CXCR5: variants seen among roughly 807,000 people sequenced by gnomAD.
The protein encoded by CXCR5 is C-X-C motif chemokine receptor 5, also known as C-X-C chemokine receptor type 5.
CXCR5 carries 3 observed loss-of-function variants against 5.6 expected under a neutral mutation model. That is an observed-to-expected ratio of 0.54 (90% CI 0.24 to 1.39). The LOEUF (loss-of-function observed/expected upper bound fraction) is 1.39, where lower values mean the gene tolerates loss of function less well. Ranked by LOEUF, CXCR5 falls within the 40% of genes most tolerant of loss-of-function variation. CXCR5 has a pLI of 0.16. For missense variants in CXCR5, 333 were observed against 494.6 expected (o/e 0.67, Z 3.10); for synonymous variants, 218 against 219.9 (o/e 0.99, Z 0.08).
intron 1 of CXCR5, among the ~76,000 whole-genome samples, chr11:118,892,640 G>A (rs1401689741): frequency 6.6e-6 from 1 of 151,328 alleles, no homozygotes; most frequent in African/African-American, 2.4e-5. Context: ...GTGGTTAGCT[G>A]GGTAAACAAC....
Position 118,894,411 on chromosome 11 carries a change from C to G in CXCR5, c.867C>G (p.Ala289=). 1 of 1,614,220 alleles carries G rather than the reference C, an allele frequency of 6.2e-7. No individual in the cohort carries two copies. Among genetic ancestry groups the G allele is most frequent in the Non-Finnish European group, 8.5e-7 (1 of 1,180,046 alleles). ...TGGACACCCTGGCGAGGCTGAAGGC[C>G]GTGGACAATACCTGCAAGCTGAATG... ...IFLDTLARLK[A]VDNTCKLNGS... The change falls in exon 2 of 2, where the codon GCC becomes GCG. Residue 289 remains alanine, a synonymous_variant. Coordinates refer to ENST00000292174, the MANE Select transcript of CXCR5 (RefSeq NM_001716.5). The surrounding 1 kb of genome is among the most constrained non-coding windows in gnomAD (Gnocchi z 6.1).
Position 118,883,933 on chromosome 11 carries a change from G to A in CXCR5, c.-9G>A, listed in dbSNP as rs745358703. 69 of 1,610,302 alleles carry A rather than the reference G, an allele frequency of 4.3e-5. No homozygotes were observed. The highest frequency in any genetic ancestry group is 3.3e-4 in the South Asian group (30 of 90,244). ...GTGACCAGTCTGGTGACTCACAGCCGGCACAGCCATGAACTACCCGCTAAC... is the reference window on the plus strand; with the variant it reads ...GTGACCAGTCTGGTGACTCACAGCCAGCACAGCCATGAACTACCCGCTAAC... On this transcript the variant is annotated 5_prime_UTR_variant, in exon 1 of 2. Transcript: ENST00000292174.
chr11:118,886,292 T>C, intron 1 of CXCR5: 1 of 436,718 alleles, frequency 2.3e-6, no homozygotes, highest in Non-Finnish European at 4.5e-6. Flanking sequence ...ACGCTGGGTT[T>C]TACACTCTCA....
chr11:118,897,262 C>T lies in CXCR5; in HGVS notation c.*2599C>T, dbSNP rs573284920. On this transcript the variant is annotated 3_prime_UTR_variant, in exon 2 of 2. Coordinates refer to ENST00000292174, the MANE Select transcript of CXCR5 (RefSeq NM_001716.5). ...CTGGAGGTTACCTGGCCCAGGGCTA[C>T]TACAGCCACAGGCCCCAGTGGCACC... The T allele has an allele frequency of 6.2e-6, 1 of 160,990 alleles. No individual in the cohort carries two copies. The highest frequency in any genetic ancestry group is 1.9e-4 in the East Asian group (1 of 5,286). The allele number at this position is 160,990 out of a possible 1,614,324, so 10.0% of individuals were successfully genotyped here.
intron 1 of CXCR5, among the ~76,000 whole-genome samples, chr11:118,884,697 T>C (rs1297974041): frequency 6.6e-6 from 1 of 152,140 alleles, no homozygotes; most frequent in Non-Finnish European, 1.5e-5. Flanking sequence ...AGATAAGGTA[T>C]TCTTGGAAAG....
In CXCR5 at chr11:118,893,274, C is replaced by A; in HGVS notation, c.52-322C>A. On this transcript the variant is annotated intron_variant, in intron 1 of 1. Transcript: ENST00000292174. The surrounding 1 kb of genome is among the most constrained non-coding windows in gnomAD (Gnocchi z 5.7). ...CCAAATTGAAGTCCTGTGACTCCAG[C>A]CGCCAAGGCTGCAGGCTTCCGTACA... is the stretch of plus-strand genomic sequence containing the variant. 2.1e-6 allele frequency: 1 copy of A among 476,134 alleles called. No homozygotes were observed. Among genetic ancestry groups the A allele is most frequent in the Non-Finnish European group, 2.7e-6 (1 of 365,312 alleles). 29.5% of individuals were successfully genotyped at this position (476,134 alleles called of 1,614,324 possible).
At chr11:118,892,403 C>T (rs986311526) in intron 1 of CXCR5, among the ~76,000 whole-genome samples, 2 of 152,102 alleles carry the variant, frequency 1.3e-5, no homozygotes, top group Non-Finnish European at 2.9e-5. Flanking sequence ...TTAAGCCACC[C>T]GGAGCCTGGT....
Position 118,894,519 on chromosome 11 carries a change from C to T in CXCR5, c.975C>T (p.Ala325=), listed in dbSNP as rs768918941. Reference sequence around the variant, plus strand: ...TCAACCCCATGCTCTACACTTTCGCCGGCGTGAAGTTCCGCAGTGACCTGT... The same window carrying T: ...TCAACCCCATGCTCTACACTTTCGCTGGCGTGAAGTTCCGCAGTGACCTGT... ...CCLNPMLYTF[A]GVKFRSDLSR... is the part of the protein sequence containing the mutation. The change falls in exon 2 of 2, where the codon GCC becomes GCT. Residue 325 remains alanine (A), a synonymous_variant. Coordinates refer to ENST00000292174, the MANE Select transcript of CXCR5 (RefSeq NM_001716.5). This position sits in a 1 kb window ranked among gnomAD's most constrained non-coding sequence, Gnocchi z 6.1. 1.9e-5 allele frequency: 31 copies of T among 1,590,418 alleles called. No homozygotes were observed. The highest frequency in any genetic ancestry group is 2.7e-5 in the African/African-American group (2 of 74,616).
chr11:118,886,352 A>G (rs750374372), intron 1 of CXCR5: 14 of 426,074 alleles, frequency 3.3e-5, no homozygotes, highest in South Asian at 1.4e-4. Flanking sequence ...TGCCAGAAAA[A>G]AAAAAAAAAA....
chr11:118,886,921 G>A (rs1939722663), intron 1 of CXCR5: 1 of 153,690 alleles, frequency 6.5e-6, no homozygotes, highest in African/African-American at 2.4e-5. Context: ...ATTTCATCAT[G>A]TAGGTGTGAA....
chr11:118,891,820 G>A (rs577558359), intron 1 of CXCR5, among the ~76,000 whole-genome samples: 268 of 137,832 alleles, frequency 1.9e-3, no homozygotes, highest in Non-Finnish European at 3.0e-3. Flanking sequence ...GCAGTGAGCC[G>A]AGATCGTGCC....
chr11:118,884,232 G>A (rs1939674157), intron 1 of CXCR5, among the ~76,000 whole-genome samples: 1 of 152,186 alleles, frequency 6.6e-6, no homozygotes, highest in African/African-American at 2.4e-5. Context: ...GAAGACACGG[G>A]TTCAGGCCCT....
Position 118,893,181 on chromosome 11 carries a change from G to A in CXCR5, c.52-415G>A, listed in dbSNP as rs977895212. On this transcript the variant is annotated intron_variant, in intron 1 of 1. Coordinates refer to ENST00000292174, the MANE Select transcript of CXCR5 (RefSeq NM_001716.5). This position sits in a 1 kb window ranked among gnomAD's most constrained non-coding sequence, Gnocchi z 5.7. ...CCCCTAGTCCCCAGCACAATGCTAA[G>A]TTGCAGTGCCCGACTGTTCTGCTCA... is the stretch of plus-strand genomic sequence containing the variant. Among the ~76,000 whole-genome samples the A allele has an allele frequency of 6.6e-6, 1 of 150,922 alleles. No homozygotes were observed. Among genetic ancestry groups the A allele is most frequent in the African/African-American group, 2.4e-5 (1 of 41,218 alleles).
intron 1 of CXCR5, among the ~76,000 whole-genome samples, chr11:118,889,780 C>T (rs965032998): frequency 1.3e-5 from 2 of 152,216 alleles, no homozygotes; most frequent in African/African-American, 4.8e-5. Flanking sequence ...ACAGGCCCCT[C>T]CCAAGCCCCC....
intron 1 of CXCR5, among the ~76,000 whole-genome samples, chr11:118,889,853 T>G (rs968979077): frequency 6.6e-6 from 1 of 152,206 alleles, no homozygotes. Flanking sequence ...TGACTTTAGA[T>G]GAGCAATAAC....
chr11:118,888,034 C>A (rs1055151550), intron 1 of CXCR5, among the ~76,000 whole-genome samples: 1 of 152,182 alleles, frequency 6.6e-6, no homozygotes, highest in African/African-American at 2.4e-5. Context: ...CTAGAAATAC[C>A]AAGTCTCCGG....
Position 118,883,913 on chromosome 11 carries a change from C to G in CXCR5, c.-29C>G. The stretch of plus-strand genomic sequence containing the variant: ...GAGCCTCTCAACATAAGACAGTGAC[C>G]AGTCTGGTGACTCACAGCCGGCACA... On this transcript the variant is annotated 5_prime_UTR_variant, in exon 1 of 2. Coordinates refer to ENST00000292174, the MANE Select transcript of CXCR5 (RefSeq NM_001716.5). The G allele has an allele frequency of 6.2e-7, 1 of 1,606,618 alleles. No individual in the cohort carries two copies. The highest frequency in any genetic ancestry group is 8.5e-7 in the Non-Finnish European group (1 of 1,176,268).
At chr11:118,885,049 C>T (rs1361969542) in intron 1 of CXCR5, among the ~76,000 whole-genome samples, 1 of 152,188 alleles carries the variant, frequency 6.6e-6, no homozygotes, top group African/African-American at 2.4e-5. Context: ...CTGACTCCCT[C>T]CTGCTCCCCC....
At position 118,897,640 on chromosome 11, in the gene CXCR5, C is replaced by A. The variant is rs1302616891; in HGVS notation, c.*2977C>A. 5.3e-6 allele frequency: 2 copies of A among 379,536 alleles called. No homozygotes were observed. Among genetic ancestry groups the A allele is most frequent in the African/African-American group, 2.1e-5 (1 of 47,002 alleles). The allele number at this position is 379,536 out of a possible 1,614,324, so 23.5% of individuals were successfully genotyped here. A position where few individuals can be genotyped will look rare whatever the true frequency, so the allele number is the denominator to read the frequency against. The stretch of plus-strand genomic sequence containing the variant: ...TTGGGGACGAGACAGGAATGGTATC[C>A]CTTAGGGACCCAGAGACACTGCAAA... On this transcript the variant is annotated 3_prime_UTR_variant, in exon 2 of 2. Transcript: ENST00000292174.
Sources: gnomAD v4.1 joint callset for allele counts (sites outside exome capture counted in the v4.1 genomes callset) on GRCh38, gnomAD v4.1.1 for gene constraint, Gnocchi (gnomAD v3.1) non-coding constraint, MANE v1.5 for transcripts, NCBI Gene and HGNC (gene_info 2026-07-23, HGNC 2026-07-21) for gene names.